The following SNAP91 variants were observed in gnomAD, a reference collection of about 807,000 sequenced individuals.
SNAP91 encodes the protein synaptosome associated protein 91, also known as clathrin coat assembly protein AP180.
SNAP91 carries 27 observed loss-of-function variants against 100.3 expected under a neutral mutation model. That is an observed-to-expected ratio of 0.27 (90% CI 0.20 to 0.37). SNAP91 has a LOEUF of 0.37. Among genes scored for constraint, SNAP91 ranks in the 10% least tolerant of loss-of-function variants. The pLI is 1.00. For missense variants in SNAP91, 986 were observed against 1,123.7 expected (o/e 0.88, Z 1.75); for synonymous variants, 404 against 398.6 (o/e 1.01, Z -0.16).
At chr6:83,572,352 T>C (rs1037098708) in intron 26 of SNAP91, among the ~76,000 whole-genome samples, 10 of 152,194 alleles carry the variant, frequency 6.6e-5, no homozygotes, top group African/African-American at 2.2e-4. Flanking sequence ...GTTCAAGTGA[T>C]TCTCCCACCT....
chr6:83,670,358 T>C (rs943463740), intron 2 of SNAP91, among the ~76,000 whole-genome samples: 6 of 151,784 alleles, frequency 4.0e-5, no homozygotes, highest in African/African-American at 1.2e-4. Flanking sequence ...AGCTTTTCAT[T>C]TGTTTATTTG....
chr6:83,682,030 G>C (rs1300068283), intron 2 of SNAP91, among the ~76,000 whole-genome samples: 1 of 151,920 alleles, frequency 6.6e-6, no homozygotes, highest in Non-Finnish European at 1.5e-5. Flanking sequence ...ACTTCCATTT[G>C]GTGACATGAT....
chr6:83,696,952 AC>A (rs967061736), intron 2 of SNAP91, among the ~76,000 whole-genome samples: 1 of 152,154 alleles, frequency 6.6e-6, no homozygotes, highest in African/African-American at 2.4e-5. Flanking sequence ...CTAGTGAAAG[AC>A]TCAGTACTGA....
intron 10 of SNAP91, among the ~76,000 whole-genome samples, chr6:83,615,392 A>G (rs1033102839): frequency 2.0e-5 from 3 of 152,208 alleles, no homozygotes; most frequent in Non-Finnish European, 4.4e-5. Context: ...TCCTTAGCTA[A>G]AGAGGTCCTT....
chr6:83,569,421 C>A (rs1413409621), intron 26 of SNAP91, among the ~76,000 whole-genome samples: 1 of 152,170 alleles, frequency 6.6e-6, no homozygotes, highest in Non-Finnish European at 1.5e-5. Context: ...AATCAGTCAG[C>A]AGCTTTGTTA....
chr6:83,612,805 C>T (rs1029171653), intron 11 of SNAP91, among the ~76,000 whole-genome samples: 9 of 149,732 alleles, frequency 6.0e-5, no homozygotes, highest in East Asian at 6.0e-4. Context: ...GCAGGAGAAT[C>T]GCTTGAACCT....
chr6:83,607,540 G>A (rs572647246), intron 13 of SNAP91, among the ~76,000 whole-genome samples, 159 bp downstream of exon 13: 1 of 152,252 alleles, frequency 6.6e-6, no homozygotes, highest in South Asian at 2.1e-4. Flanking sequence ...AATGATTTAA[G>A]AGGCACAGGA....
rs62419574 is a variant in SNAP91, at chr6:83,605,723, G to A, written c.1103C>T (p.Ala368Val). ...GGCTCCTCCAGCAGGTGGTGGTGGTGCTGGTGCTGCGGCTGCTGCTGCCCC... is the reference window on the plus strand; with the variant it reads ...GGCTCCTCCAGCAGGTGGTGGTGGTACTGGTGCTGCGGCTGCTGCTGCCCC... ...SGGAAAAAAP[A>V]PPPPAGGATA... is the part of the protein sequence containing the mutation. The change falls in exon 14 of 30, where the codon GCA (alanine) becomes GTA (valine). Residue 368 changes from alanine to valine, a missense_variant. By Grantham distance (64) the Ala-to-Val change is moderately conservative. Transcript: ENST00000369694. 1 of 1,552,516 alleles carries A rather than the reference G, an allele frequency of 6.4e-7. No homozygotes were observed. The highest frequency in any genetic ancestry group is 1.2e-5 in the South Asian group (1 of 84,068).
chr6:83,666,337 T>C (rs757787189), intron 2 of SNAP91, among the ~76,000 whole-genome samples: 1 of 152,034 alleles, frequency 6.6e-6, no homozygotes, highest in African/African-American at 2.4e-5. Flanking sequence ...CCAAAGATCA[T>C]GTGCTAAGGA....
chr6:83,568,883 T>C (rs1801621651), intron 26 of SNAP91, among the ~76,000 whole-genome samples: 1 of 152,172 alleles, frequency 6.6e-6, no homozygotes, highest in Non-Finnish European at 1.5e-5. Flanking sequence ...GAAGCACTTG[T>C]TTCTGGTGTC....
At chr6:83,672,062 C>A (rs1401206828) in intron 2 of SNAP91, among the ~76,000 whole-genome samples, 2 of 152,064 alleles carry the variant, frequency 1.3e-5, no homozygotes, top group East Asian at 3.8e-4. Context: ...TACTTTATAC[C>A]TTATATTTTG....
At chr6:83,698,159 G>A (rs1025378988) in intron 2 of SNAP91, among the ~76,000 whole-genome samples, 4 of 151,438 alleles carry the variant, frequency 2.6e-5, no homozygotes, top group African/African-American at 7.3e-5. Flanking sequence ...TGTGGGGTAT[G>A]TGTGTGTGTG....
chr6:83,692,084 TGAGG>T (rs2099138045), intron 2 of SNAP91, among the ~76,000 whole-genome samples: 1 of 152,186 alleles, frequency 6.6e-6, no homozygotes, highest in Non-Finnish European at 1.5e-5. Context: ...CCAGAGCAGC[TGAGG>T]GTGAGCTCTT....
intron 1 of SNAP91, 161 bp from the exon 2 acceptor site, chr6:83,708,118 G>C (rs1221452498): frequency 4.9e-6 from 3 of 606,338 alleles, no homozygotes; most frequent in Non-Finnish European, 8.1e-6. Flanking sequence ...CCGCTCCTGC[G>C]ATGCGGTCCA....
At chr6:83,564,159 A>T (rs1792924082) in intron 26 of SNAP91, among the ~76,000 whole-genome samples, 1 of 152,140 alleles carries the variant, frequency 6.6e-6, no homozygotes, top group Non-Finnish European at 1.5e-5. Flanking sequence ...AGACATATAG[A>T]TCAACACAAG....
chr6:83,707,769 A>C, intron 2 of SNAP91, 29 bp downstream of exon 2: 1 of 1,611,256 alleles, frequency 6.2e-7, no homozygotes, highest in Non-Finnish European at 8.5e-7. Context: ...TGCCGTGCGC[A>C]TGTCCCTCTT....
At chr6:83,657,554 G>A (rs1343759651) in intron 6 of SNAP91, among the ~76,000 whole-genome samples, 2 of 152,136 alleles carry the variant, frequency 1.3e-5, no homozygotes, top group Non-Finnish European at 2.9e-5. Context: ...AAAATAAGAT[G>A]GTTTGCTGCT....
intron 24 of SNAP91, among the ~76,000 whole-genome samples, chr6:83,580,205 A>C (rs1826022916): frequency 6.6e-6 from 1 of 152,136 alleles, no homozygotes; most frequent in Non-Finnish European, 1.5e-5. Context: ...CCCTGATTAT[A>C]CCTTTAATAA....
At chr6:83,557,078 A>G (rs1779950629) in intron 28 of SNAP91, among the ~76,000 whole-genome samples, 1 of 152,220 alleles carries the variant, frequency 6.6e-6, no homozygotes, top group Non-Finnish European at 1.5e-5. Flanking sequence ...CTGTTTAACC[A>G]GAATCTAAAT....
Sources: allele counts gnomAD v4.1 joint callset (sites outside exome capture counted in the v4.1 genomes callset), GRCh38; gene constraint gnomAD v4.1.1; transcripts MANE v1.5; gene names NCBI Gene and HGNC (gene_info 2026-07-23, HGNC 2026-07-21).